TAFA5: variants seen among roughly 807,000 people sequenced by gnomAD.
TAFA5 encodes TAFA chemokine like family member 5.
A neutral mutation model predicts 15.3 loss-of-function variants in TAFA5; 6 were observed. That is an observed-to-expected ratio of 0.39 (90% CI 0.21 to 0.77). The LOEUF (loss-of-function observed/expected upper bound fraction) is 0.77, where lower values mean the gene tolerates loss of function less well. TAFA5 is among the 30% of genes least tolerant of loss of function. The pLI is 0.41. For missense variants in TAFA5, 161 were observed against 193.1 expected (o/e 0.83, Z 0.98); for synonymous variants, 103 against 80.7 (o/e 1.28, Z -1.48).
chr22:48,607,538 C>T (rs562061916), intron 1 of TAFA5, among the ~76,000 whole-genome samples: 1 of 129,316 alleles, frequency 7.7e-6, no homozygotes, highest in East Asian at 2.3e-4. Flanking sequence ...GCAGGTCTGT[C>T]CTGGGTTCTG....
chr22:48,660,437 A>G (rs1041744159), intron 2 of TAFA5, among the ~76,000 whole-genome samples: 5 of 152,230 alleles, frequency 3.3e-5, no homozygotes, highest in African/African-American at 1.2e-4. Flanking sequence ...GTTGCCATCA[A>G]GAGGTCCAGA....
intron 3 of TAFA5, among the ~76,000 whole-genome samples, chr22:48,727,102 A>G (rs1457988715): frequency 2.0e-5 from 3 of 152,236 alleles, no homozygotes; most frequent in African/African-American, 7.2e-5. Flanking sequence ...CAATCAGGAA[A>G]GAAAGAAACA....
At chr22:48,661,698 C>T (rs749283783) in intron 2 of TAFA5, among the ~76,000 whole-genome samples, 31 of 152,210 alleles carry the variant, frequency 2.0e-4, no homozygotes, top group Non-Finnish European at 4.0e-4. Flanking sequence ...TCCTGGACAG[C>T]GTCCTCCTCC....
chr22:48,748,254 TC>T (rs1930385356), intron 3 of TAFA5, among the ~76,000 whole-genome samples: 1 of 152,200 alleles, frequency 6.6e-6, no homozygotes. Flanking sequence ...TGGGGCCAAT[TC>T]TGAGCCCTCT....
At chr22:48,507,198 C>CAGTTGGAGGAGAAGGAGACAGTCAT (rs1921025796) in intron 1 of TAFA5, among the ~76,000 whole-genome samples, 1 of 114,864 alleles carries the variant, frequency 8.7e-6, no homozygotes, top group Non-Finnish European at 1.8e-5. Flanking sequence ...GAGACGGCCG[C>CAGTTGGAGGAGAAGGAGACAGTCAT]CAAGGGCCAG....
chr22:48,630,210 G>T (rs749165274), intron 1 of TAFA5, among the ~76,000 whole-genome samples: 1 of 152,122 alleles, frequency 6.6e-6, no homozygotes, highest in Admixed American at 6.5e-5. Context: ...TCTAAATAGG[G>T]GGCTCTGCTT....
intron 1 of TAFA5, among the ~76,000 whole-genome samples, chr22:48,525,276 G>C (rs1471831744): frequency 6.6e-6 from 1 of 152,164 alleles, no homozygotes; most frequent in Non-Finnish European, 1.5e-5. Flanking sequence ...GCTCCCCATG[G>C]GGGGTCCCAT....
rs577338883 is a variant in TAFA5, at chr22:48,748,565, C to T, written c.391-1274C>T. 1.4e-4 allele frequency among the ~76,000 whole-genome samples: 22 copies of T among 152,338 alleles called. No individual in the cohort carries two copies. In the South Asian group the frequency reaches 1.9e-3, roughly 13 times the overall value. ...GTGTGCCATGGGGCTGTTCTGTCCC[C>T]GGGGCAGGTCCCCTCACCCCTGAGC... is the stretch of plus-strand genomic sequence containing the variant. On this transcript the variant is annotated intron_variant, in intron 3 of 3. Coordinates refer to ENST00000402357, the MANE Select transcript of TAFA5 (RefSeq NM_001082967.3).
chr22:48,515,182 A>G (rs1300148213), intron 1 of TAFA5, among the ~76,000 whole-genome samples: 1 of 152,080 alleles, frequency 6.6e-6, no homozygotes, highest in Non-Finnish European at 1.5e-5. Context: ...GAGCTGGCGA[A>G]TGCAGGAGCC....
intron 1 of TAFA5, among the ~76,000 whole-genome samples, chr22:48,580,944 CA>C (rs201961707): frequency 0.2 from 30,861 of 152,176 alleles, 3,244 homozygotes; most frequent in Admixed American, 0.25. Context: ...ATCGCAGTGC[CA>C]GCCCCACATG....
At chr22:48,500,233 T>C (rs1260494481) in intron 1 of TAFA5, among the ~76,000 whole-genome samples, 2 of 152,144 alleles carry the variant, frequency 1.3e-5, no homozygotes, top group Non-Finnish European at 2.9e-5. Context: ...CAAGGCCCCA[T>C]AATGCAGATG....
At chr22:48,639,777 C>T (rs908364749) in intron 1 of TAFA5, among the ~76,000 whole-genome samples, 4 of 152,202 alleles carry the variant, frequency 2.6e-5, no homozygotes, top group Admixed American at 6.5e-5. Context: ...GGACTTGGAC[C>T]TGTACCCACC....
intron 1 of TAFA5, among the ~76,000 whole-genome samples, chr22:48,542,592 GGT>G (rs1922479337): frequency 1.6e-5 from 2 of 126,700 alleles, no homozygotes; most frequent in African/African-American, 3.0e-5. Context: ...GCGGGTGTGT[GGT>G]GTGTATGTGT....
intron 1 of TAFA5, among the ~76,000 whole-genome samples, chr22:48,600,900 C>T (rs1337307973): frequency 5.3e-5 from 8 of 152,116 alleles, no homozygotes; most frequent in Non-Finnish European, 1.2e-4. Context: ...TGTTCGAGGT[C>T]GGTAGAGCCT....
intron 1 of TAFA5, among the ~76,000 whole-genome samples, chr22:48,587,038 G>A (rs62225931): frequency 0.062 from 9,482 of 152,316 alleles, 352 homozygotes; most frequent in African/African-American, 0.09. Context: ...AGCCAGGCCC[G>A]TGCTGTCAGC....
At chr22:48,722,358 A>G (rs1187992531) in intron 3 of TAFA5, among the ~76,000 whole-genome samples, 4 of 152,246 alleles carry the variant, frequency 2.6e-5, no homozygotes, top group East Asian at 1.9e-4. Context: ...CATATACACC[A>G]TAGAATACTA....
At chr22:48,543,590 A>C (rs1212977668) in intron 1 of TAFA5, 2 of 152,242 alleles carry the variant, frequency 1.3e-5, no homozygotes, top group Non-Finnish European at 2.9e-5. Flanking sequence ...TCTGGAGAGG[A>C]GATATTATCC....
At chr22:48,496,883 A>G (rs1026884437) in intron 1 of TAFA5, among the ~76,000 whole-genome samples, 2 of 152,184 alleles carry the variant, frequency 1.3e-5, no homozygotes, top group Admixed American at 6.5e-5. Context: ...ATAGGAAAGA[A>G]AATACAGAGA....
chr22:48,661,556 C>G (rs1325678472), intron 2 of TAFA5, among the ~76,000 whole-genome samples: 2 of 152,198 alleles, frequency 1.3e-5, no homozygotes, highest in African/African-American at 4.8e-5. Flanking sequence ...GGTTCAGAGC[C>G]TGCTGGACAC....
Sources: allele counts gnomAD v4.1 joint callset (sites outside exome capture counted in the v4.1 genomes callset), GRCh38; gene constraint gnomAD v4.1.1; transcripts MANE v1.5; gene names NCBI Gene and HGNC (gene_info 2026-07-23, HGNC 2026-07-21).